Variants in CALN1 observed in about 807,000 individuals in gnomAD.
CALN1 encodes the protein calneuron 1.
A neutral mutation model predicts 30.6 loss-of-function variants in CALN1; 17 were observed. That is an observed-to-expected ratio of 0.56 (90% confidence interval 0.38 to 0.83). The LOEUF is 0.83. Ranked by LOEUF, CALN1 falls within the 40% of genes least tolerant of loss-of-function variation. The pLI is 0.00. For synonymous variants in CALN1, 156 were observed against 131.4 expected (o/e 1.19, Z -1.28); for missense variants, 291 against 354.9 (o/e 0.82, Z 1.45).
intron 5 of CALN1, among the ~76,000 whole-genome samples, chr7:71,897,175 C>T (rs1793575881): frequency 2.0e-5 from 3 of 152,178 alleles, no homozygotes; most frequent in Admixed American, 2.0e-4. Context: ...ATCTGTGAGT[C>T]CAGCATCACA....
chr7:72,320,397 T>C (rs529897073), intron 2 of CALN1, among the ~76,000 whole-genome samples: 1 of 152,284 alleles, frequency 6.6e-6, no homozygotes, highest in African/African-American at 2.4e-5. Flanking sequence ...CAGGTGCACA[T>C]GCTCCCGGAG....
intron 2 of CALN1, among the ~76,000 whole-genome samples, chr7:72,341,614 A>G (rs1802389998): frequency 6.6e-6 from 1 of 152,246 alleles, no homozygotes; most frequent in African/African-American, 2.4e-5. Context: ...GGCCTCCCAC[A>G]TAACCAGAGT....
At chr7:71,908,835 T>C (rs937817597) in intron 5 of CALN1, among the ~76,000 whole-genome samples, 5 of 152,328 alleles carry the variant, frequency 3.3e-5, no homozygotes, top group African/African-American at 9.6e-5. Flanking sequence ...ATGAGTCAAC[T>C]TGGTCCATTG....
At chr7:72,337,350 C>T (rs896592728) in intron 2 of CALN1, 1 of 946,758 alleles carries the variant, frequency 1.1e-6, no homozygotes, top group Non-Finnish European at 1.3e-6. Flanking sequence ...CTCCGCCTCT[C>T]CAATGGCTCC....
intron 2 of CALN1, among the ~76,000 whole-genome samples, chr7:72,396,337 C>T (rs999735673): frequency 5.4e-5 from 8 of 147,802 alleles, no homozygotes; most frequent in African/African-American, 1.7e-4. Context: ...GCAGGAGAAT[C>T]GCTTGGACCT....
At chr7:72,066,405 A>G (rs936766360) in intron 4 of CALN1, among the ~76,000 whole-genome samples, 1 of 152,174 alleles carries the variant, frequency 6.6e-6, no homozygotes, top group African/African-American at 2.4e-5. Context: ...AACCACACAC[A>G]TACCAAATTC....
chr7:72,121,227 CTA>C (rs1279770247), intron 3 of CALN1, among the ~76,000 whole-genome samples: 1 of 135,794 alleles, frequency 7.4e-6, no homozygotes. Flanking sequence ...TATTATATAA[CTA>C]TATAATTAAT....
In CALN1 at chr7:71,783,836, AG is replaced by A. The variant is rs900458949; in HGVS notation, c.*3938del. ...TCAAAAGCAGCTGTCCATTTTTCAT[AG>A]GCTCTTTTGGATAACTGCAAGATCG... On this transcript the variant is annotated 3_prime_UTR_variant, in exon 7 of 7. Coordinates refer to ENST00000395275, the MANE Select transcript of CALN1 (RefSeq NM_031468.4). 1 of 152,626 alleles carries A rather than the reference AG, an allele frequency of 6.6e-6. No homozygotes were observed. The highest frequency in any genetic ancestry group is 2.4e-5 in the African/African-American group (1 of 41,474). The allele number at this position is 152,626 out of a possible 1,614,324, so 9.5% of individuals were successfully genotyped here.
chr7:71,851,066 A>C lies in CALN1; in HGVS notation c.502-40574T>G, dbSNP rs117496871. 5.9e-5 allele frequency among the ~76,000 whole-genome samples: 9 copies of C among 152,220 alleles called. No homozygotes were observed. In the East Asian group the frequency reaches 9.7e-4, roughly 16 times the overall value. The stretch of plus-strand genomic sequence containing the variant: ...CCTTTCTATAAAAATTAAAAAATGG[A>C]TTAGCTAGGCACGGTGGTGCACACC... On this transcript the variant is annotated intron_variant, in intron 5 of 6. Transcript: ENST00000395275.
In CALN1 at chr7:72,394,986, T is replaced by C. The variant is rs556868045; in HGVS notation, c.119+8265A>G. ...ATTCTATTCTTGTCTTGTAAGTGAA[T>C]GAATGGTACACATGGGAACTGCACA... On this transcript the variant is annotated intron_variant, in intron 2 of 6. Transcript: ENST00000395275. 2.6e-5 allele frequency among the ~76,000 whole-genome samples: 4 copies of C among 152,272 alleles called. No individual in the cohort carries two copies. The East Asian group carries it at 7.7e-4, about 29-fold the overall frequency.
intron 2 of CALN1, among the ~76,000 whole-genome samples, chr7:72,299,135 C>T (rs1328783879): frequency 6.6e-6 from 1 of 152,122 alleles, no homozygotes; most frequent in Non-Finnish European, 1.5e-5. Context: ...GACCAGACAG[C>T]ATATGGGCAA....
chr7:72,383,332 T>C (rs892532549), intron 2 of CALN1, among the ~76,000 whole-genome samples: 1 of 152,196 alleles, frequency 6.6e-6, no homozygotes, highest in Non-Finnish European at 1.5e-5. Context: ...CTTTGAGAAA[T>C]CTCCAAACTG....
chr7:71,988,588 T>A (rs983561994), intron 5 of CALN1, among the ~76,000 whole-genome samples: 10 of 152,290 alleles, frequency 6.6e-5, no homozygotes, highest in African/African-American at 2.2e-4. Context: ...CAGGTCACAG[T>A]TGGCACTGAC....
the CALN1 span, among the ~76,000 whole-genome samples, chr7:72,471,143 G>C: frequency 6.6e-6 from 1 of 152,068 alleles, no homozygotes; most frequent in African/African-American, 2.4e-5. Flanking sequence ...TTGCAGAGAT[G>C]GGGTCTTGCT....
intron 5 of CALN1, among the ~76,000 whole-genome samples, chr7:71,998,480 G>A (rs1227395432): frequency 1.3e-5 from 2 of 152,088 alleles, no homozygotes; most frequent in Non-Finnish European, 2.9e-5. Context: ...AAGGAAATGC[G>A]GTTTTCATGT....
intron 5 of CALN1, among the ~76,000 whole-genome samples, chr7:71,825,863 T>C (rs955639463): frequency 1.6e-4 from 24 of 151,106 alleles, no homozygotes. Flanking sequence ...TGAAACCCTG[T>C]TTCTACTAAA....
At chr7:72,195,610 C>A (rs1790933774) in intron 3 of CALN1, among the ~76,000 whole-genome samples, 1 of 152,036 alleles carries the variant, frequency 6.6e-6, no homozygotes, top group Non-Finnish European at 1.5e-5. Flanking sequence ...AACTCCTGGG[C>A]CTCAGGCGAT....
At chr7:71,951,826 T>A (rs967119331) in intron 5 of CALN1, among the ~76,000 whole-genome samples, 1 of 152,188 alleles carries the variant, frequency 6.6e-6, no homozygotes, top group Non-Finnish European at 1.5e-5. Flanking sequence ...GAGCCAGGAT[T>A]TGAAATCAAA....
chr7:71,797,625 A>G (rs1471011584), intron 6 of CALN1, among the ~76,000 whole-genome samples: 2 of 152,074 alleles, frequency 1.3e-5, no homozygotes, highest in Admixed American at 6.5e-5. Context: ...CTCCTCTACA[A>G]AATCTCATGC....
Sources: gnomAD v4.1 joint callset for allele counts (sites outside exome capture counted in the v4.1 genomes callset) on GRCh38, gnomAD v4.1.1 for gene constraint, MANE v1.5 for transcripts, NCBI Gene and HGNC (gene_info 2026-07-23, HGNC 2026-07-21) for gene names.